Variants in FYN observed in about 807,000 individuals in gnomAD.
FYN encodes FYN proto-oncogene, Src family tyrosine kinase, also known as tyrosine-protein kinase Fyn.
A neutral mutation model predicts 70.2 loss-of-function variants in FYN; 10 were observed. That is an observed-to-expected ratio of 0.14 (90% confidence interval 0.09 to 0.24). The LOEUF (loss-of-function observed/expected upper bound fraction) is 0.24. Among genes scored for constraint, FYN ranks in the 10% least tolerant of loss-of-function variants. The pLI is 1.00. For missense variants in FYN, 319 were observed against 673.1 expected (o/e 0.47, Z 5.82); for synonymous variants, 236 against 248.6 (o/e 0.95, Z 0.48).
At chr6:111,727,134 T>C (rs940154225) in intron 3 of FYN, among the ~76,000 whole-genome samples, 3 of 152,180 alleles carry the variant, frequency 2.0e-5, no homozygotes. Flanking sequence ...CTCACCTCCA[T>C]CCCCAATGCA....
rs776994144 is a variant in FYN at position 111,779,120 on chromosome 6, C to CTTTT, written c.-12+1445_-12+1446insAAAA. 1.2e-4 allele frequency among the ~76,000 whole-genome samples: 13 copies of CTTTT among 112,502 alleles called. 1 individual carries two copies. The highest frequency in any genetic ancestry group is 2.8e-4 in the African/African-American group (8 of 28,268). 73.8% of individuals were successfully genotyped at this position (112,502 alleles called of 152,430 possible). ...TCCCTTGTCAGGGATCAGTAGGAGA[C>CTTTT]ATTTTTTTTTTTTTTTTTTTTTTTT... On this transcript the variant is annotated intron_variant, in intron 3 of 13. Coordinates refer to ENST00000354650, the MANE Select transcript of FYN (RefSeq NM_002037.5).
chr6:111,783,788 C>G (rs948528775), intron 2 of FYN, among the ~76,000 whole-genome samples: 2 of 152,234 alleles, frequency 1.3e-5, no homozygotes, highest in Non-Finnish European at 2.9e-5. Flanking sequence ...GCACGCCCAG[C>G]TGGGAGTGGG....
At chr6:111,753,541 G>C (rs968409031) in intron 3 of FYN, among the ~76,000 whole-genome samples, 3 of 151,660 alleles carry the variant, frequency 2.0e-5, no homozygotes, top group African/African-American at 7.3e-5. Flanking sequence ...GGACAGGAGT[G>C]ACAATCTCAA....
chr6:111,872,622 G>A (rs1328879319), intron 1 of FYN, among the ~76,000 whole-genome samples: 1 of 152,100 alleles, frequency 6.6e-6, no homozygotes, highest in Non-Finnish European at 1.5e-5. Flanking sequence ...AACACACACA[G>A]CCCCAGTCCC....
At chr6:111,692,980 C>T (rs944946629) in intron 12 of FYN, among the ~76,000 whole-genome samples, 13 of 152,216 alleles carry the variant, frequency 8.5e-5, no homozygotes, top group Non-Finnish European at 1.6e-4. Flanking sequence ...GTGTAACGCA[C>T]GGGTATGCTT....
chr6:111,792,203 G>A (rs1771649395), intron 2 of FYN, among the ~76,000 whole-genome samples: 1 of 152,042 alleles, frequency 6.6e-6, no homozygotes, highest in Non-Finnish European at 1.5e-5. Context: ...TACTCGAGAG[G>A]ACAAAACAGA....
Position 111,773,577 on chromosome 6 carries a change from G to A in FYN, c.-12+6989C>T, listed in dbSNP as rs112649518. On this transcript the variant is annotated intron_variant, in intron 3 of 13. Transcript: ENST00000354650. The stretch of plus-strand genomic sequence containing the variant: ...ACGCAGAGGAGGGAGAGGGAGAGGG[G>A]GAGGGGGAGGGAAAGGGAAAGGGAG... Among the ~76,000 whole-genome samples, 48 of 24,210 alleles carry A rather than the reference G, an allele frequency of 2.0e-3. 1 individual carries two copies. The highest frequency in any genetic ancestry group is 4.9e-3 in the African/African-American group (24 of 4,852). The allele number at this position is 24,210 out of a possible 152,430, so 15.9% of individuals were successfully genotyped here. A position where few individuals can be genotyped will look rare whatever the true frequency, so the allele number is the denominator to read the frequency against.
At chr6:111,785,301 C>G (rs536852695) in intron 2 of FYN, among the ~76,000 whole-genome samples, 4 of 152,346 alleles carry the variant, frequency 2.6e-5, no homozygotes, top group African/African-American at 9.6e-5. Flanking sequence ...TCTGCCACCC[C>G]CTACAGATAG....
intron 12 of FYN, among the ~76,000 whole-genome samples, chr6:111,683,571 G>A (rs866636995): frequency 6.6e-6 from 1 of 152,156 alleles, no homozygotes; most frequent in African/African-American, 2.4e-5. Flanking sequence ...TTTCAAGGAG[G>A]AAACCCATTA....
intron 3 of FYN, among the ~76,000 whole-genome samples, chr6:111,729,980 T>C (rs1167972947): frequency 6.6e-6 from 1 of 152,218 alleles, no homozygotes; most frequent in Non-Finnish European, 1.5e-5. Context: ...ACTGATTGAA[T>C]TTGTATGTAA....
chr6:111,823,901 G>A (rs977814824), intron 2 of FYN, among the ~76,000 whole-genome samples: 2 of 152,100 alleles, frequency 1.3e-5, no homozygotes, highest in East Asian at 3.9e-4. Flanking sequence ...ATTTGTAGCT[G>A]ACGTATATTG....
chr6:111,793,824 A>G (rs1365240194), intron 2 of FYN: 1 of 152,106 alleles, frequency 6.6e-6, no homozygotes, highest in Non-Finnish European at 1.5e-5. Flanking sequence ...ACTGAAATAA[A>G]TCCCTTGGAG....
chr6:111,678,150 G>GTGGT (rs3220548), intron 12 of FYN, among the ~76,000 whole-genome samples: 1 of 119,804 alleles, frequency 8.3e-6, no homozygotes, highest in African/African-American at 3.9e-5. Context: ...GTGTGTGTGT[G>GTGGT]GTGTGTGTAC....
chr6:111,785,995 A>C (rs1771360970), intron 2 of FYN, among the ~76,000 whole-genome samples: 1 of 151,904 alleles, frequency 6.6e-6, no homozygotes, highest in Non-Finnish European at 1.5e-5. Flanking sequence ...AAAGGACATG[A>C]ACTCATTCTT....
At chr6:111,816,182 CA>C (rs1403285050) in intron 2 of FYN, among the ~76,000 whole-genome samples, 1 of 151,792 alleles carries the variant, frequency 6.6e-6, no homozygotes, top group Non-Finnish European at 1.5e-5. Context: ...TTCATGTTTT[CA>C]AAAATATGGC....
intron 3 of FYN, among the ~76,000 whole-genome samples, chr6:111,777,401 A>G (rs1411234162): frequency 6.6e-6 from 1 of 152,132 alleles, no homozygotes; most frequent in Non-Finnish European, 1.5e-5. Flanking sequence ...AAATATTTAC[A>G]CTTTAAAAAT....
rs1439351185 is a variant in FYN at position 111,792,181 on chromosome 6, G to C, written c.-81-11546C>G. Among the ~76,000 whole-genome samples, 5 of 152,184 alleles carry C rather than the reference G, an allele frequency of 3.3e-5. No individual in the cohort carries two copies. In the South Asian group the frequency reaches 1.0e-3, roughly 32 times the overall value. On this transcript the variant is annotated intron_variant, in intron 2 of 13. Transcript: ENST00000354650. ...AGGAAAAGGCAGACAATCCAATAAAGAAATAGACAAATACTCGAGAGGACA... is the reference window on the plus strand; with the variant it reads ...AGGAAAAGGCAGACAATCCAATAAACAAATAGACAAATACTCGAGAGGACA...
intron 12 of FYN, among the ~76,000 whole-genome samples, chr6:111,693,429 T>C (rs1022915110): frequency 1.1e-4 from 16 of 152,112 alleles, no homozygotes; most frequent in Admixed American, 3.3e-4. Context: ...GAGGAGCCTA[T>C]ACTCGATTGC....
intron 3 of FYN, among the ~76,000 whole-genome samples, chr6:111,731,672 C>A (rs1801462633): frequency 6.6e-6 from 1 of 152,180 alleles, no homozygotes; most frequent in Admixed American, 6.5e-5. Flanking sequence ...GATAAAGTAG[C>A]CAGTCAGAAA....
Sources: gnomAD v4.1 joint callset for allele counts (sites outside exome capture counted in the v4.1 genomes callset) on GRCh38, gnomAD v4.1.1 for gene constraint, MANE v1.5 for transcripts, NCBI Gene and HGNC (gene_info 2026-07-23, HGNC 2026-07-21) for gene names.